SORCS1: variants seen among roughly 807,000 people sequenced by gnomAD.
SORCS1 encodes VPS10 domain-containing receptor SorCS1.
In SORCS1, 60 loss-of-function variants were observed where a neutral mutation model predicts 146.1. That is an observed-to-expected ratio of 0.41 (90% confidence interval 0.33 to 0.51). SORCS1 has a LOEUF of 0.51. SORCS1 is among the 20% of genes least tolerant of loss of function. The probability of loss-of-function intolerance (pLI) is 0.21; values close to 1 mark genes in which losing one functional copy is unlikely to be tolerated. For synonymous variants in SORCS1, 637 were observed against 584.0 expected (o/e 1.09, Z -1.31); for missense variants, 1,352 against 1,487.6 (o/e 0.91, Z 1.50).
chr10:106,822,616 G>A (rs1170445757), intron 3 of SORCS1, among the ~76,000 whole-genome samples: 1 of 152,052 alleles, frequency 6.6e-6, no homozygotes, highest in African/African-American at 2.4e-5. Context: ...GACTGAAACA[G>A]TATAAACACT....
intron 3 of SORCS1, among the ~76,000 whole-genome samples, chr10:106,799,623 T>G (rs566186666): frequency 6.6e-6 from 1 of 152,010 alleles, no homozygotes; most frequent in Non-Finnish European, 1.5e-5. Flanking sequence ...AACAGACACA[T>G]GAAAAAATGC....
intron 1 of SORCS1, among the ~76,000 whole-genome samples, chr10:107,052,163 G>A (rs1188273838): frequency 1.3e-5 from 2 of 152,162 alleles, no homozygotes; most frequent in Non-Finnish European, 2.9e-5. Flanking sequence ...TAATGAAGCT[G>A]TTAAATATGT....
chr10:106,804,088 A>C (rs1350608603), intron 3 of SORCS1, among the ~76,000 whole-genome samples: 1 of 152,190 alleles, frequency 6.6e-6, no homozygotes, highest in Non-Finnish European at 1.5e-5. Flanking sequence ...GGCAAGCCAC[A>C]GGTAATCTAA....
At chr10:106,968,790 A>T (rs1244867213) in intron 1 of SORCS1, among the ~76,000 whole-genome samples, 1 of 152,230 alleles carries the variant, frequency 6.6e-6, no homozygotes, top group Non-Finnish European at 1.5e-5. Context: ...ACCATAAAGT[A>T]CAACTAACAA....
intron 1 of SORCS1, among the ~76,000 whole-genome samples, chr10:107,141,810 G>C (rs1356063579): frequency 6.6e-6 from 1 of 152,188 alleles, no homozygotes. Flanking sequence ...TGCACACAGG[G>C]AACTATGCTG....
chr10:106,824,488 G>A (rs2136953385), intron 3 of SORCS1, among the ~76,000 whole-genome samples: 1 of 151,650 alleles, frequency 6.6e-6, no homozygotes, highest in East Asian at 2.0e-4. Context: ...TGCTCGGGAG[G>A]CTGAGGCAGA....
chr10:106,885,779 C>T lies in SORCS1; in HGVS notation c.627-56106G>A, dbSNP rs527578671. ...GACCAGGTGGAAGATAATTAAATCA[C>T]GGGAATGGTTTCCCCCATACTGCTC... is the stretch of plus-strand genomic sequence containing the variant. On this transcript the variant is annotated intron_variant, in intron 2 of 25. Coordinates refer to ENST00000263054, the MANE Select transcript of SORCS1 (RefSeq NM_052918.5). Among the ~76,000 whole-genome samples the T allele has an allele frequency of 1.6e-4, 24 of 152,228 alleles. No individual in the cohort carries two copies. The South Asian group carries it at 3.5e-3, about 22-fold the overall frequency.
chr10:107,025,196 C>A (rs148770000), intron 1 of SORCS1, among the ~76,000 whole-genome samples: 1 of 152,192 alleles, frequency 6.6e-6, no homozygotes, highest in Non-Finnish European at 1.5e-5. Context: ...AATGTTAAAA[C>A]CTTTAACCCT....
chr10:107,071,272 CTCT>C lies in SORCS1; in HGVS notation c.558+92694_558+92696del, dbSNP rs550368931. Among the ~76,000 whole-genome samples, 461 of 152,190 alleles carry C rather than the reference CTCT, an allele frequency of 3.0e-3. 7 individuals carry two copies. The highest frequency in any genetic ancestry group is 0.01 in the African/African-American group (423 of 41,534). Reference sequence around the variant, plus strand: ...TTCACTCTCCAAATAATTCTCAAGCCTCTTCTTCTTTTTTTATCCATCTATATC... The same window carrying C: ...TTCACTCTCCAAATAATTCTCAAGCCTCTTCTTTTTTTATCCATCTATATC... On this transcript the variant is annotated intron_variant, in intron 1 of 25. Coordinates refer to ENST00000263054, the MANE Select transcript of SORCS1 (RefSeq NM_052918.5).
At chr10:106,711,196 C>T (rs1471280370) in intron 6 of SORCS1, among the ~76,000 whole-genome samples, 2 of 152,136 alleles carry the variant, frequency 1.3e-5, no homozygotes, top group Non-Finnish European at 2.9e-5. Flanking sequence ...TTTGTTGGAA[C>T]ATGCCACTTA....
chr10:107,143,720 A>T (rs1482339623), intron 1 of SORCS1, among the ~76,000 whole-genome samples: 1 of 151,950 alleles, frequency 6.6e-6, no homozygotes, highest in Admixed American at 6.6e-5. Flanking sequence ...TGATCAGGCT[A>T]GTCTTGACCT....
intron 24 of SORCS1, among the ~76,000 whole-genome samples, chr10:106,585,255 G>A (rs1845157864): frequency 6.6e-6 from 1 of 151,840 alleles, no homozygotes; most frequent in Non-Finnish European, 1.5e-5. Flanking sequence ...GTCTTTGAGA[G>A]TAGGTCTCCA....
chr10:107,066,137 A>G (rs980277223), intron 1 of SORCS1, among the ~76,000 whole-genome samples: 2 of 152,192 alleles, frequency 1.3e-5, no homozygotes, highest in Admixed American at 1.3e-4. Flanking sequence ...TTAAGTTTGC[A>G]TCAAATTAAT....
chr10:107,166,504 C>G (rs930639576), upstream of SORCS1, among the ~76,000 whole-genome samples: 2 of 152,188 alleles, frequency 1.3e-5, no homozygotes, highest in Non-Finnish European at 2.9e-5. Context: ...AGAAGAAATA[C>G]AAGCAAAAGC....
At chr10:107,067,620 T>C (rs1962002249) in intron 1 of SORCS1, among the ~76,000 whole-genome samples, 1 of 152,224 alleles carries the variant, frequency 6.6e-6, no homozygotes. Context: ...GCTACTTTCA[T>C]GATTTTATAT....
At chr10:106,981,345 C>T (rs1025992996) in intron 1 of SORCS1, among the ~76,000 whole-genome samples, 11 of 152,062 alleles carry the variant, frequency 7.2e-5, no homozygotes, top group African/African-American at 2.7e-4. Context: ...AATTCTAGTG[C>T]AATTGTGAGT....
chr10:107,046,823 G>T (rs1431308523), intron 1 of SORCS1, among the ~76,000 whole-genome samples: 1 of 152,026 alleles, frequency 6.6e-6, no homozygotes, highest in Non-Finnish European at 1.5e-5. Context: ...CAAAACACTG[G>T]GTCTACCAGT....
chr10:107,098,083 T>C (rs770189412), intron 1 of SORCS1, among the ~76,000 whole-genome samples: 11 of 152,256 alleles, frequency 7.2e-5, no homozygotes, highest in African/African-American at 9.6e-5. Context: ...TAGTCACATG[T>C]AGACAATCAT....
chr10:106,933,960 G>A (rs1953548712), intron 2 of SORCS1, among the ~76,000 whole-genome samples: 1 of 152,002 alleles, frequency 6.6e-6, no homozygotes, highest in Non-Finnish European at 1.5e-5. Flanking sequence ...TGAGCATGGT[G>A]ATGCATGCCT....
Sources: gnomAD v4.1 joint callset for allele counts (sites outside exome capture counted in the v4.1 genomes callset) on GRCh38, gnomAD v4.1.1 for gene constraint, MANE v1.5 for transcripts, NCBI Gene and HGNC (gene_info 2026-07-23, HGNC 2026-07-21) for gene names.